The following MBOAT2 variants were observed in gnomAD, a reference collection of about 807,000 sequenced individuals.
The protein encoded by MBOAT2 is membrane bound glycerophospholipid O-acyltransferase 2, also known as membrane-bound glycerophospholipid O-acyltransferase 2.
Under a neutral mutation model 63.4 loss-of-function variants are expected in MBOAT2, and 28 were observed. The observed-to-expected ratio is 0.44, with a 90% confidence interval of 0.33 to 0.61. MBOAT2 has a LOEUF of 0.61. Among genes scored for constraint, MBOAT2 ranks in the 20% least tolerant of loss-of-function variants. The pLI, the probability that MBOAT2 is intolerant of heterozygous loss-of-function variation, is 0.03. For synonymous variants in MBOAT2, 211 were observed against 215.6 expected (o/e 0.98, Z 0.19); for missense variants, 470 against 605.8 (o/e 0.78, Z 2.35).
At chr2:8,913,758 T>A (rs1375906081) in intron 3 of MBOAT2, among the ~76,000 whole-genome samples, 2 of 152,196 alleles carry the variant, frequency 1.3e-5, no homozygotes, top group Non-Finnish European at 2.9e-5. Context: ...TGGAAAGCAG[T>A]GTGGAGATTC....
rs938665533 is a variant in MBOAT2, at chr2:8,914,934, C to CTTTTTT, written c.300-6224_300-6219dup. On this transcript the variant is annotated intron_variant, in intron 3 of 12. Transcript: ENST00000305997. ...TTTAAACTGTGACTACTGGAAATTTCTTTTTTTTTTTTTTTTTTTTTTTTG... is the reference window on the plus strand; with the variant it reads ...TTTAAACTGTGACTACTGGAAATTTCTTTTTTTTTTTTTTTTTTTTTTTTTTTTTTG... 8.5e-3 allele frequency among the ~76,000 whole-genome samples: 510 copies of CTTTTTT among 60,214 alleles called. 4 individuals are homozygous for CTTTTTT. The highest frequency in any genetic ancestry group is 9.6e-3 in the East Asian group (17 of 1,778). 39.5% of individuals were successfully genotyped at this position (60,214 alleles called of 152,430 possible). A position where few individuals can be genotyped will look rare whatever the true frequency, so the allele number is the denominator to read the frequency against.
At chr2:8,985,364 T>C (rs1194610076) in intron 1 of MBOAT2, among the ~76,000 whole-genome samples, 1 of 152,180 alleles carries the variant, frequency 6.6e-6, no homozygotes, top group Non-Finnish European at 1.5e-5. Flanking sequence ...TGAAAATACA[T>C]GGAATTCTTT....
At chr2:8,981,176 G>A (rs768667169) in intron 1 of MBOAT2, among the ~76,000 whole-genome samples, 6 of 152,146 alleles carry the variant, frequency 3.9e-5, no homozygotes, top group Non-Finnish European at 8.8e-5. Flanking sequence ...AGGGCTGAGG[G>A]ATTTGGGGAA....
chr2:8,994,135 T>C (rs1672106478), intron 1 of MBOAT2, among the ~76,000 whole-genome samples: 1 of 152,132 alleles, frequency 6.6e-6, no homozygotes, highest in African/African-American at 2.4e-5. Context: ...ACTCTAAACA[T>C]GCTCCGTGCC....
In MBOAT2 at chr2:9,003,473, C is replaced by T. The variant is rs1331584601; in HGVS notation, c.75+67G>A. On this transcript the variant is annotated intron_variant, in intron 1 of 12. Coordinates refer to ENST00000305997, the MANE Select transcript of MBOAT2 (RefSeq NM_138799.4). This position sits in a 1 kb window ranked among gnomAD's most constrained non-coding sequence, Gnocchi z 5.4. ...CCCACCCTCCTCCCGGGCCCCCGGTCGGGTGGCACCGCGGCGGGGAGGGGC... is the reference window on the plus strand; with the variant it reads ...CCCACCCTCCTCCCGGGCCCCCGGTTGGGTGGCACCGCGGCGGGGAGGGGC... 3.8e-6 allele frequency: 4 copies of T among 1,063,818 alleles called. No homozygotes were observed. Among genetic ancestry groups the T allele is most frequent in the Non-Finnish European group, 4.7e-6 (4 of 857,440 alleles). 65.9% of individuals were successfully genotyped at this position (1,063,818 alleles called of 1,614,324 possible).
At chr2:8,942,027 T>A (rs1396961372) in intron 3 of MBOAT2, among the ~76,000 whole-genome samples, 5 of 152,194 alleles carry the variant, frequency 3.3e-5, no homozygotes. Context: ...AAAAATAGGG[T>A]CATAATCCTA....
At chr2:8,912,025 G>A (rs1156689663) in intron 3 of MBOAT2, among the ~76,000 whole-genome samples, 2 of 151,884 alleles carry the variant, frequency 1.3e-5, no homozygotes, top group East Asian at 3.9e-4. Flanking sequence ...AAAACGATTT[G>A]ACAAATATCC....
chr2:8,894,843 T>C (rs187341295), intron 4 of MBOAT2, among the ~76,000 whole-genome samples: 3 of 152,186 alleles, frequency 2.0e-5, no homozygotes, highest in East Asian at 3.9e-4. Context: ...TCACGGTGAG[T>C]GTTACAGCTC....
intron 1 of MBOAT2, 79 bp from the exon 2 acceptor site, chr2:8,958,721 A>T: frequency 1.5e-6 from 2 of 1,328,630 alleles, no homozygotes; most frequent in African/African-American, 1.5e-5. Flanking sequence ...AATTCTCAGG[A>T]CAAAAACACC....
chr2:8,881,572 G>A (rs541056465), intron 6 of MBOAT2, among the ~76,000 whole-genome samples: 1 of 152,280 alleles, frequency 6.6e-6, no homozygotes, highest in African/African-American at 2.4e-5. Flanking sequence ...AGAGGCACAG[G>A]GGAAATGGCA....
In MBOAT2 at chr2:8,857,550, A is replaced by C. The variant is rs1345115455; in HGVS notation, c.*1129T>G. 6.6e-6 allele frequency: 1 copy of C among 152,242 alleles called. No homozygotes were observed. Among genetic ancestry groups the C allele is most frequent in the Non-Finnish European group, 1.5e-5 (1 of 68,044 alleles). The allele number at this position is 152,242 out of a possible 1,614,324, so 9.4% of individuals were successfully genotyped here. A position where few individuals can be genotyped will look rare whatever the true frequency, so the allele number is the denominator to read the frequency against. ...ACTGAATTTATATTATTCTTAAAAA[A>C]TGTCACCCAGACTCAGTGACTTTTA... On this transcript the variant is annotated 3_prime_UTR_variant, in exon 13 of 13. Coordinates refer to ENST00000305997, the MANE Select transcript of MBOAT2 (RefSeq NM_138799.4).
In MBOAT2 at chr2:8,926,666, G is replaced by A. The variant is rs540139937; in HGVS notation, c.299+16521C>T. On this transcript the variant is annotated intron_variant, in intron 3 of 12. Transcript: ENST00000305997. ...CAGGGGCAGTCACAACGGGTGCTGC[G>A]AAGCTGCCAAGCTAACAGAGTCTGA... 5.9e-5 allele frequency among the ~76,000 whole-genome samples: 9 copies of A among 152,348 alleles called. No homozygotes were observed. In the South Asian group the frequency reaches 1.0e-3, roughly 18 times the overall value.
At chr2:8,951,786 G>A (rs201223303) in intron 2 of MBOAT2, among the ~76,000 whole-genome samples, 1 of 152,056 alleles carries the variant, frequency 6.6e-6, no homozygotes, top group East Asian at 1.9e-4. Flanking sequence ...TGTCACCTTT[G>A]TCAATTCTGA....
At chr2:8,916,174 A>G (rs921736260) in intron 3 of MBOAT2, among the ~76,000 whole-genome samples, 1 of 152,228 alleles carries the variant, frequency 6.6e-6, no homozygotes, top group African/African-American at 2.4e-5. Context: ...TGGTGTTTTG[A>G]CGCCCTCATC....
chr2:8,943,393 C>T, intron 2 of MBOAT2, 129 bp from the exon 3 acceptor site: 1 of 502,952 alleles, frequency 2.0e-6, no homozygotes, highest in Non-Finnish European at 3.5e-6. Context: ...AATGAAACTT[C>T]AGGAGCTTAA....
At chr2:8,923,052 T>G (rs1666692809) in intron 3 of MBOAT2, among the ~76,000 whole-genome samples, 1 of 152,232 alleles carries the variant, frequency 6.6e-6, no homozygotes, top group South Asian at 2.1e-4. Context: ...TTTTGCTCAT[T>G]CTTGTGCAGG....
Position 8,858,669 on chromosome 2 carries a change from G to T in MBOAT2, c.*10C>A. The T allele has an allele frequency of 6.3e-7, 1 of 1,580,950 alleles. No individual in the cohort carries two copies. Among genetic ancestry groups the T allele is most frequent in the African/African-American group, 1.4e-5 (1 of 73,460 alleles). On this transcript the variant is annotated 3_prime_UTR_variant, in exon 13 of 13. Transcript: ENST00000305997. Reference sequence around the variant, plus strand: ...TCAAAAAAAAAAAACAGCCCTCAGAGCCTTCCCGATCACTGCTTTAGTGAT... The same window carrying T: ...TCAAAAAAAAAAAACAGCCCTCAGATCCTTCCCGATCACTGCTTTAGTGAT...
chr2:8,893,683 G>C (rs193032119), intron 4 of MBOAT2, among the ~76,000 whole-genome samples: 6 of 152,316 alleles, frequency 3.9e-5, no homozygotes, highest in Non-Finnish European at 8.8e-5. Flanking sequence ...AAAGGTATGT[G>C]AATAAACTAC....
chr2:8,990,074 T>A (rs1406899306), intron 1 of MBOAT2, among the ~76,000 whole-genome samples: 1 of 152,228 alleles, frequency 6.6e-6, no homozygotes, highest in East Asian at 1.9e-4. Context: ...GTTTGTTTTT[T>A]CATTTGCTAT....
Sources: gnomAD v4.1 joint callset for allele counts (sites outside exome capture counted in the v4.1 genomes callset) on GRCh38, gnomAD v4.1.1 for gene constraint, Gnocchi (gnomAD v3.1) non-coding constraint, MANE v1.5 for transcripts, NCBI Gene and HGNC (gene_info 2026-07-23, HGNC 2026-07-21) for gene names.